LZTFL1: variants seen among roughly 807,000 people sequenced by gnomAD.
The protein encoded by LZTFL1 is leucine zipper transcription factor like 1.
A neutral mutation model predicts 45.9 loss-of-function variants in LZTFL1; 25 were observed. The observed-to-expected ratio is 0.54, with a 90% CI of 0.40 to 0.76. LZTFL1 has a LOEUF of 0.76. Among genes scored for constraint, LZTFL1 ranks in the 30% least tolerant of loss-of-function variants. The probability of loss-of-function intolerance (pLI) is 0.00; values close to 1 mark genes in which losing one functional copy is unlikely to be tolerated. For missense variants in LZTFL1, 277 were observed against 331.1 expected (o/e 0.84, Z 1.27); for synonymous variants, 93 against 117.4 (o/e 0.79, Z 1.35).
intron 2 of LZTFL1, among the ~76,000 whole-genome samples, chr3:45,885,784 C>T (rs1326353987): frequency 6.6e-6 from 1 of 152,184 alleles, no homozygotes; most frequent in Non-Finnish European, 1.5e-5. Context: ...TGCAGTGGTG[C>T]AATCTTGGCT....
intron 4 of LZTFL1, among the ~76,000 whole-genome samples, chr3:45,833,728 T>C (rs1407439749): frequency 1.3e-5 from 2 of 152,218 alleles, no homozygotes; most frequent in Non-Finnish European, 2.9e-5. Flanking sequence ...TCAGCAGTAT[T>C]TATCCAACAA....
intron 2 of LZTFL1, among the ~76,000 whole-genome samples, chr3:45,877,950 T>C (rs905942225): frequency 6.6e-6 from 1 of 152,098 alleles, no homozygotes; most frequent in Non-Finnish European, 1.5e-5. Flanking sequence ...TTCACCATGT[T>C]GACCAGGCTG....
At chr3:45,890,673 A>T (rs979638031) in intron 2 of LZTFL1, among the ~76,000 whole-genome samples, 1 of 152,030 alleles carries the variant, frequency 6.6e-6, no homozygotes, top group African/African-American at 2.4e-5. Context: ...GCCTGGGGAA[A>T]GTTCTTGGTT....
chr3:45,856,686 G>GA (rs1210336208), intron 3 of LZTFL1, among the ~76,000 whole-genome samples: 23 of 151,134 alleles, frequency 1.5e-4, no homozygotes, highest in Non-Finnish European at 2.5e-4. Context: ...ACATTTACAA[G>GA]AAAAAAAACC....
At position 45,900,415 on chromosome 3, in the gene LZTFL1, G is replaced by C. The variant is rs1174017830; in HGVS notation, c.-215+12705C>G. 6.6e-6 allele frequency among the ~76,000 whole-genome samples: 1 copy of C among 152,142 alleles called. No individual in the cohort carries two copies. The highest frequency in any genetic ancestry group is 1.5e-5 in the Non-Finnish European group (1 of 68,022). Reference sequence around the variant, plus strand: ...AATAGATAGGAGAAGTACGATCACAGTCATATCACAGTTTGATAAAACTGC... The same window carrying C: ...AATAGATAGGAGAAGTACGATCACACTCATATCACAGTTTGATAAAACTGC... On this transcript the variant is annotated intron_variant, in intron 2 of 4. Coordinates refer to the LZTFL1 transcript ENST00000472635. The surrounding 1 kb of genome is among the most constrained non-coding windows in gnomAD (Gnocchi z 4.7).
upstream of LZTFL1, among the ~76,000 whole-genome samples, chr3:45,846,275 A>G (rs1701216619): frequency 6.6e-6 from 1 of 152,222 alleles, no homozygotes; most frequent in South Asian, 2.1e-4. Flanking sequence ...TGAATTATTT[A>G]GTTCTCATGA....
At chr3:45,914,039 T>C (rs1334618246) in intron 1 of LZTFL1, among the ~76,000 whole-genome samples, 8 of 152,212 alleles carry the variant, frequency 5.3e-5, no homozygotes, top group Non-Finnish European at 1.2e-4. Context: ...TTTCCATCAT[T>C]GCGCCCTAGT....
At chr3:45,872,897 G>C (rs1307990336) in intron 2 of LZTFL1, among the ~76,000 whole-genome samples, 2 of 152,228 alleles carry the variant, frequency 1.3e-5, no homozygotes, top group Non-Finnish European at 2.9e-5. Flanking sequence ...CTAAAGGCAA[G>C]TGAGGCTGAA....
chr3:45,832,288 G>A (rs1700848318), intron 5 of LZTFL1, among the ~76,000 whole-genome samples: 1 of 152,060 alleles, frequency 6.6e-6, no homozygotes, highest in Non-Finnish European at 1.5e-5. Context: ...AAGGGAGCAG[G>A]TATTACACTG....
chr3:45,841,286 C>T (rs1194025730), intron 1 of LZTFL1, among the ~76,000 whole-genome samples: 1 of 152,188 alleles, frequency 6.6e-6, no homozygotes, highest in African/African-American at 2.4e-5. Context: ...TGGTTTCATC[C>T]GTTTTCCTGA....
intron 2 of LZTFL1, among the ~76,000 whole-genome samples, chr3:45,893,545 C>T (rs768198807): frequency 5.9e-5 from 9 of 152,194 alleles, no homozygotes; most frequent in Non-Finnish European, 1.0e-4. Context: ...GAGTTTTATA[C>T]AAGTGAAATC....
chr3:45,877,954 C>G (rs1424519520), intron 2 of LZTFL1, among the ~76,000 whole-genome samples: 3 of 152,142 alleles, frequency 2.0e-5, no homozygotes, highest in Non-Finnish European at 4.4e-5. Context: ...CCATGTTGAC[C>G]AGGCTGGTCT....
Position 45,901,346 on chromosome 3 carries a change from C to G in LZTFL1, c.-215+11774G>C. 1 of 1,614,140 alleles carries G rather than the reference C, an allele frequency of 6.2e-7. No individual in the cohort carries two copies. The highest frequency in any genetic ancestry group is 8.5e-7 in the Non-Finnish European group (1 of 1,180,020). ...CTCTCTGCATCCCAGAAATCTTATA[C>G]AGCCAAATCAAGGAGGAATCCGGCA... On this transcript the variant is annotated intron_variant, in intron 2 of 4. Transcript: ENST00000472635. The surrounding 1 kb of genome is among the most constrained non-coding windows in gnomAD (Gnocchi z 4.3).
chr3:45,882,123 T>C (rs1049272728), intron 2 of LZTFL1, among the ~76,000 whole-genome samples: 1 of 152,226 alleles, frequency 6.6e-6, no homozygotes, highest in Admixed American at 6.5e-5. Flanking sequence ...AAGACTTATA[T>C]CAGGTGAATT....
intron 4 of LZTFL1, among the ~76,000 whole-genome samples, chr3:45,848,172 A>G (rs1281162651): frequency 6.6e-6 from 1 of 152,196 alleles, no homozygotes; most frequent in Non-Finnish European, 1.5e-5. Flanking sequence ...CCCACATAAA[A>G]GCTGCATTTT....
At chr3:45,831,284 A>AT (rs1298395585) in intron 5 of LZTFL1, 146 bp from the exon 6 acceptor site, 2 of 544,136 alleles carry the variant, frequency 3.7e-6, no homozygotes, top group African/African-American at 3.9e-5. Flanking sequence ...GTAATATCCC[A>AT]ATTTCATCCA....
At chr3:45,890,324 A>ACATATATATATTTAT (rs572867024) in intron 2 of LZTFL1, among the ~76,000 whole-genome samples, 1 of 83,094 alleles carries the variant, frequency 1.2e-5, no homozygotes, top group Non-Finnish European at 2.1e-5. Flanking sequence ...TATTTATATA[A>ACATATATATATTTAT]ATATATATAT....
At chr3:45,852,162 G>A (rs996266176) in intron 4 of LZTFL1, among the ~76,000 whole-genome samples, 2 of 152,170 alleles carry the variant, frequency 1.3e-5, no homozygotes, top group East Asian at 1.9e-4. Flanking sequence ...TATTTAAAGA[G>A]TATTAACACT....
intron 2 of LZTFL1, among the ~76,000 whole-genome samples, chr3:45,867,942 G>T (rs1355359639): frequency 6.6e-6 from 1 of 151,872 alleles, no homozygotes; most frequent in Middle Eastern, 3.2e-3. Flanking sequence ...GATAGCTCTG[G>T]TGATGAGAAG....
Sources: gnomAD v4.1 joint callset for allele counts (sites outside exome capture counted in the v4.1 genomes callset) on GRCh38, gnomAD v4.1.1 for gene constraint, Gnocchi (gnomAD v3.1) non-coding constraint, MANE v1.5 for transcripts, NCBI Gene and HGNC (gene_info 2026-07-23, HGNC 2026-07-21) for gene names.